The following C2CD2 variants were observed in gnomAD, a reference collection of about 807,000 sequenced individuals.
C2CD2 encodes C2 calcium dependent domain containing 2, also known as C2 domain-containing protein 2.
A neutral mutation model predicts 74.3 loss-of-function variants in C2CD2; 43 were observed. The ratio of observed to expected loss-of-function variants is 0.58; its 90% CI spans 0.45 to 0.75. The LOEUF is 0.75. Among genes scored for constraint, C2CD2 ranks in the 30% least tolerant of loss-of-function variants. C2CD2 has a pLI of 0.00. For missense variants in C2CD2, 801 were observed against 916.3 expected, an observed-to-expected ratio of 0.87 and a Z score of 1.63; for synonymous variants, 422 against 390.7, an observed-to-expected ratio of 1.08 and a Z score of -0.94.
At chr21:41,918,589 G>A (rs551032145) in intron 4 of C2CD2, among the ~76,000 whole-genome samples, 1 of 149,584 alleles carries the variant, frequency 6.7e-6, no homozygotes, top group South Asian at 2.1e-4. Context: ...AGGCTTCAGG[G>A]TTTTTTTTTT....
intron 3 of C2CD2, among the ~76,000 whole-genome samples, chr21:41,919,547 C>G (rs1451619760): frequency 6.6e-6 from 1 of 152,212 alleles, no homozygotes; most frequent in Non-Finnish European, 1.5e-5. Context: ...ATTTCTCCTT[C>G]TGGGAGTATC....
rs398061772 is a variant in C2CD2 at position 41,929,102 on chromosome 21, T to TA, written c.379-7018dup. Reference sequence around the variant, plus strand: ...CCACCTCTAAAAAATATTTAAAAAGTAAAAAAAAAAAAAAGTAATAAAAAT... The same window carrying TA: ...CCACCTCTAAAAAATATTTAAAAAGTAAAAAAAAAAAAAAAGTAATAAAAAT... On this transcript the variant is annotated intron_variant, in intron 2 of 13. Transcript: ENST00000380486. This position sits in a 1 kb window ranked among gnomAD's most constrained non-coding sequence, Gnocchi z 4.6. 0.054 allele frequency among the ~76,000 whole-genome samples: 7,481 copies of TA among 138,590 alleles called. 340 individuals are homozygous for TA. Among genetic ancestry groups the TA allele is most frequent in the African/African-American group, 0.13 (4,981 of 38,054 alleles). The allele number at this position is 138,590 out of a possible 152,430, so 90.9% of individuals were successfully genotyped here. A position where few individuals can be genotyped will look rare whatever the true frequency, so the allele number is the denominator to read the frequency against.
chr21:41,915,847 C>T (rs903309432), intron 5 of C2CD2, among the ~76,000 whole-genome samples: 11 of 151,912 alleles, frequency 7.2e-5, no homozygotes, highest in East Asian at 3.9e-4. Context: ...GCACAACGTG[C>T]GGGTTAAAGA....
intron 2 of C2CD2, 73 bp downstream of exon 2, chr21:41,942,074 C>A: frequency 6.5e-7 from 1 of 1,529,856 alleles, no homozygotes; most frequent in Non-Finnish European, 8.8e-7. Flanking sequence ...TTCAATGATT[C>A]TAAACAAAGC....
intron 7 of C2CD2, chr21:41,912,095 G>T: frequency 2.2e-6 from 1 of 444,952 alleles, no homozygotes; most frequent in Non-Finnish European, 4.0e-6. Context: ...GAGACCCCAC[G>T]ATGGCTCCCT....
At position 41,945,213 on chromosome 21, in the gene C2CD2, G is replaced by A. The variant is rs1468079216; in HGVS notation, c.280-2968C>T. 6.6e-6 allele frequency among the ~76,000 whole-genome samples: 1 copy of A among 152,180 alleles called. No individual in the cohort carries two copies. The highest frequency in any genetic ancestry group is 1.5e-5 in the Non-Finnish European group (1 of 68,036). On this transcript the variant is annotated intron_variant, in intron 1 of 13. Transcript: ENST00000380486. This position sits in a 1 kb window ranked among gnomAD's most constrained non-coding sequence, Gnocchi z 4.2. ...AAATGAACTCTGTACCGTTGGACTA[G>A]AACCCAAGGTACAGGATACAATCAC... is the stretch of plus-strand genomic sequence containing the variant.
intron 13 of C2CD2, 145 bp downstream of exon 13, chr21:41,898,908 G>C: frequency 1.4e-6 from 1 of 697,092 alleles, no homozygotes; most frequent in Non-Finnish European, 2.5e-6. Flanking sequence ...TCAGCACAGG[G>C]CATTTCTGGA....
rs2064700463 is a variant in C2CD2 at position 41,887,655 on chromosome 21, T to C, written c.*1469A>G. ...GTTTTTACTAAAAAAGAAAAAATCC[T>C]ATAATTTTGGTTTTTATATAGGTTT... On this transcript the variant is annotated 3_prime_UTR_variant, in exon 14 of 14. Transcript: ENST00000380486. 1 of 152,196 alleles carries C rather than the reference T, an allele frequency of 6.6e-6. No homozygotes were observed. Among genetic ancestry groups the C allele is most frequent in the Non-Finnish European group, 1.5e-5 (1 of 68,044 alleles). 9.4% of individuals were successfully genotyped at this position (152,196 alleles called of 1,614,324 possible).
At chr21:41,913,748 A>G (rs2065054739) in intron 6 of C2CD2, among the ~76,000 whole-genome samples, 1 of 152,142 alleles carries the variant, frequency 6.6e-6, no homozygotes, top group African/African-American at 2.4e-5. Flanking sequence ...TTCTTGGCAA[A>G]ATGGAGTCGC....
intron 2 of C2CD2, among the ~76,000 whole-genome samples, chr21:41,934,408 G>A (rs773537419): frequency 6.6e-6 from 1 of 152,146 alleles, no homozygotes; most frequent in Admixed American, 6.5e-5. Flanking sequence ...CAGCCTAGGC[G>A]ACAGAGTGAA....
chr21:41,903,694 G>A lies in C2CD2; in HGVS notation c.1433-1945C>T, dbSNP rs774630222. 4.6e-5 allele frequency among the ~76,000 whole-genome samples: 7 copies of A among 152,126 alleles called. No individual in the cohort carries two copies. The highest frequency in any genetic ancestry group is 7.4e-5 in the Non-Finnish European group (5 of 68,012). ...CGTGTCGGGAGCACGTCCTCCTCAC[G>A]CCAGGCCCAGTGCTTCTGTTCAGTC... On this transcript the variant is annotated intron_variant, in intron 11 of 13. Coordinates refer to ENST00000380486, the MANE Select transcript of C2CD2 (RefSeq NM_015500.2). This position sits in a 1 kb window ranked among gnomAD's most constrained non-coding sequence, Gnocchi z 4.5.
intron 6 of C2CD2, 129 bp downstream of exon 6, chr21:41,914,469 C>G (rs567114648): frequency 4.5e-6 from 3 of 662,142 alleles, no homozygotes; most frequent in Admixed American, 6.5e-5. Flanking sequence ...TTTCTGCAAC[C>G]GTGGCAGGGC....
chr21:41,948,604 A>C (rs1159894426), intron 1 of C2CD2, among the ~76,000 whole-genome samples: 1 of 152,180 alleles, frequency 6.6e-6, no homozygotes, highest in Non-Finnish European at 1.5e-5. Flanking sequence ...TCACAGCCCC[A>C]AAGAGGCCCA....
intron 7 of C2CD2, among the ~76,000 whole-genome samples, chr21:41,910,879 T>A (rs2065018580): frequency 1.3e-5 from 2 of 152,220 alleles, no homozygotes; most frequent in Admixed American, 1.3e-4. Flanking sequence ...TTGGGTTGAT[T>A]TTCTTGCATA....
At position 41,892,782 on chromosome 21, in the gene C2CD2, A is replaced by AG. The variant is rs2064770801; in HGVS notation, c.1871-3439dup. Reference sequence around the variant, plus strand: ...CGGAGGCCACAGCCGACAACGCAGGAGCAGGCCAGGGCCAAGGACACAGGC... The same window carrying AG: ...CGGAGGCCACAGCCGACAACGCAGGAGGCAGGCCAGGGCCAAGGACACAGGC... On this transcript the variant is annotated intron_variant, in intron 13 of 13. Transcript: ENST00000380486. This position sits in a 1 kb window ranked among gnomAD's most constrained non-coding sequence, Gnocchi z 4.6. Among the ~76,000 whole-genome samples, 1 of 152,266 alleles carries AG rather than the reference A, an allele frequency of 6.6e-6. No individual in the cohort carries two copies. Among genetic ancestry groups the AG allele is most frequent in the African/African-American group, 2.4e-5 (1 of 41,482 alleles).
At chr21:41,933,573 T>C (rs541198653) in intron 2 of C2CD2, among the ~76,000 whole-genome samples, 4 of 152,334 alleles carry the variant, frequency 2.6e-5, no homozygotes, top group Admixed American at 2.0e-4. Context: ...CCTAAAAATG[T>C]GTCATGTTTG....
At chr21:41,910,456 C>T (rs1444592943) in intron 7 of C2CD2, among the ~76,000 whole-genome samples, 1 of 152,174 alleles carries the variant, frequency 6.6e-6, no homozygotes, top group African/African-American at 2.4e-5. Context: ...ATCCAGAATG[C>T]TTATTCCCAG....
chr21:41,910,977 T>A (rs538918644), intron 7 of C2CD2, among the ~76,000 whole-genome samples: 14 of 142,546 alleles, frequency 9.8e-5, no homozygotes, highest in African/African-American at 3.7e-4. Context: ...TTCCCTTATC[T>A]AATTTGCATT....
chr21:41,953,590 G>A lies in C2CD2; in HGVS notation c.59C>T (p.Ser20Leu). The A allele has an allele frequency of 1.3e-6, 2 of 1,496,776 alleles. No homozygotes were observed. Among genetic ancestry groups the A allele is most frequent in the Middle Eastern group, 2.1e-4 (1 of 4,828 alleles). The allele number at this position is 1,496,776 out of a possible 1,614,324, so 92.7% of individuals were successfully genotyped here. A position where few individuals can be genotyped will look rare whatever the true frequency, so the allele number is the denominator to read the frequency against. The change falls in exon 1 of 14, where the codon TCG (serine) becomes TTG (leucine). Residue 20 changes from serine (S) to leucine (L), a missense_variant. Ser to Leu is a moderately radical substitution (Grantham distance 145, BLOSUM62 -2). Coordinates refer to ENST00000380486, the MANE Select transcript of C2CD2 (RefSeq NM_015500.2). The stretch of plus-strand genomic sequence containing the variant: ...CGTGGCCAGGGCCGCGACGAAGAGC[G>A]ACACCAGCGCGAGCCACTGCGCCTC... ...LGEAQWLALV[S>L]LFVAALATVG... is the part of the protein sequence containing the mutation.
Sources: allele counts gnomAD v4.1 joint callset (sites outside exome capture counted in the v4.1 genomes callset), GRCh38; gene constraint gnomAD v4.1.1; non-coding constraint Gnocchi (gnomAD v3.1); transcripts MANE v1.5; gene names NCBI Gene and HGNC (gene_info 2026-07-23, HGNC 2026-07-21).